Variants in ZNF335 observed in about 807,000 individuals in gnomAD.
ZNF335 encodes NRC-interacting factor 1.
ZNF335 carries 84 observed loss-of-function variants against 145.6 expected under a neutral mutation model. The observed-to-expected ratio is 0.58, with a 90% CI of 0.48 to 0.69. The LOEUF is 0.69. ZNF335 is among the 30% of genes least tolerant of loss of function. The pLI is 0.00. For missense variants in ZNF335, 1,865 were observed against 1,809.7 expected (o/e 1.03, Z -0.55); for synonymous variants, 761 against 717.0 (o/e 1.06, Z -0.98).
rs1333610862 is a variant in ZNF335, at chr20:45,967,980, G to A, written c.568C>T (p.Leu190=). Residue 190 remains leucine (L), a synonymous_variant, in exon 5 of 28, where the codon CTA becomes TTA. Coordinates refer to ENST00000322927, the MANE Select transcript of ZNF335 (RefSeq NM_022095.4). ...TCTGCCAGGGCCTCAATGGCTGCTA[G>A]GCTGTGGGCCAAGGTGGAACTGGAC... ...PMSSSTLAHS[L]AAIEALADGP... 3 of 1,612,686 alleles carry A rather than the reference G, an allele frequency of 1.9e-6. No homozygotes were observed. The highest frequency in any genetic ancestry group is 1.3e-5 in the African/African-American group (1 of 74,932).
chr20:45,950,179 C>A, intron 22 of ZNF335, 40 bp downstream of exon 22: 2 of 1,571,056 alleles, frequency 1.3e-6, no homozygotes, highest in Non-Finnish European at 1.7e-6. Flanking sequence ...GTCTCTGGAT[C>A]TACCCTGTTG....
At position 45,969,647 on chromosome 20, in the gene ZNF335, A is replaced by G. The variant is rs747460492; in HGVS notation, c.246T>C (p.Asn82=). ...ESSSSADPLP[N]SYLPDSSSVS... is the part of the protein sequence containing the mutation. ...CAGACGATGAATCAGGGAGGTAGCT[A>G]TTAGGCAGGGGGTCTGCGCTCGAGC... Residue 82 remains asparagine, a synonymous_variant, in exon 3 of 28, where the codon AAT becomes AAC. Transcript: ENST00000322927. The G allele has an allele frequency of 4.3e-6, 7 of 1,612,132 alleles. No homozygotes were observed. Among genetic ancestry groups the G allele is most frequent in the Middle Eastern group, 1.6e-4 (1 of 6,076 alleles).
Position 45,949,510 on chromosome 20 carries a change from A to C in ZNF335, c.3728T>G (p.Val1243Gly). 1 of 1,613,718 alleles carries C rather than the reference A, an allele frequency of 6.2e-7. No individual in the cohort carries two copies. Among genetic ancestry groups the C allele is most frequent in the South Asian group, 1.1e-5 (1 of 91,064 alleles). The part of the protein sequence containing the change: ...VQHLLPQEYV[V>G]VPEGHHIQVQ... Reference sequence around the variant, plus strand: ...CTGGATGTGATGGCCTTCAGGGACCACAACATATTCCTGGGGGAGCAGGTG... The same window carrying C: ...CTGGATGTGATGGCCTTCAGGGACCCCAACATATTCCTGGGGGAGCAGGTG... Residue 1243 changes from valine to glycine, a missense_variant, in exon 25 of 28, where the codon GTG becomes GGG. Val to Gly is a moderately radical substitution (Grantham distance 109). Coordinates refer to ENST00000322927, the MANE Select transcript of ZNF335 (RefSeq NM_022095.4).
intron 20 of ZNF335, 70 bp downstream of exon 20, chr20:45,952,077 T>G: frequency 6.6e-7 from 1 of 1,520,126 alleles, no homozygotes. Flanking sequence ...AGGGCACTCA[T>G]TAAAGGTTTG....
In ZNF335 at chr20:45,950,076, A is replaced by G; in HGVS notation, c.3488-7T>C. ...TGACTGGACTGGAGTGCAGCTGGGCAGAGAGGAGAGGATGCTCACCTGGGG... is the reference window on the plus strand; with the variant it reads ...TGACTGGACTGGAGTGCAGCTGGGCGGAGAGGAGAGGATGCTCACCTGGGG... On this transcript the variant is annotated splice_region_variant and splice_polypyrimidine_tract_variant and intron_variant, in intron 22 of 27. Transcript: ENST00000322927. 6.2e-7 allele frequency: 1 copy of G among 1,613,212 alleles called. No individual in the cohort carries two copies. Among genetic ancestry groups the G allele is most frequent in the South Asian group, 1.1e-5 (1 of 90,948 alleles).
intron 2 of ZNF335, among the ~76,000 whole-genome samples, chr20:45,970,648 A>G (rs117479286): frequency 6.6e-6 from 1 of 151,548 alleles, no homozygotes; most frequent in African/African-American, 2.4e-5. Flanking sequence ...ACAATCAAGC[A>G]CCCTTGAAAG....
intron 17 of ZNF335, 103 bp downstream of exon 17, chr20:45,957,483 G>A: frequency 2.7e-6 from 3 of 1,115,410 alleles, no homozygotes; most frequent in East Asian, 2.5e-5. Context: ...GCTCCCAAGG[G>A]CGGAGAAGCT....
chr20:45,952,706 C>T lies in ZNF335; in HGVS notation c.2706G>A (p.Glu902=). Reference sequence around the variant, plus strand: ...CCTGGGCTGCCTCTCCTGCGGGCTCCTCGCTGTGGGCATGGAGAAGGTTCT... The same window carrying T: ...CCTGGGCTGCCTCTCCTGCGGGCTCTTCGCTGTGGGCATGGAGAAGGTTCT... The part of the protein sequence containing the change: ...GTSAPGTPYS[E]EPAGEAAQAV... Residue 902 remains glutamate (E), a synonymous_variant, in exon 19 of 28, where the codon GAG becomes GAA. Coordinates refer to ENST00000322927, the MANE Select transcript of ZNF335 (RefSeq NM_022095.4). 6.2e-7 allele frequency: 1 copy of T among 1,613,562 alleles called. No homozygotes were observed. Among genetic ancestry groups the T allele is most frequent in the Non-Finnish European group, 8.5e-7 (1 of 1,179,932 alleles).
chr20:45,961,462 C>T (rs946089272), intron 10 of ZNF335: 2 of 148,508 alleles, frequency 1.3e-5, no homozygotes, highest in African/African-American at 5.0e-5. Context: ...GGTGAACCTA[C>T]ACTAATCTTA....
At chr20:45,970,469 A>T (rs1419200182) in intron 2 of ZNF335, among the ~76,000 whole-genome samples, 1 of 152,240 alleles carries the variant, frequency 6.6e-6, no homozygotes, top group Non-Finnish European at 1.5e-5. Context: ...AATTCATTTC[A>T]TCCTCACAAA....
At chr20:45,972,090 G>T (rs763341444) in intron 1 of ZNF335, 32 bp downstream of exon 1, 75 of 1,288,564 alleles carry the variant, frequency 5.8e-5, no homozygotes, top group Admixed American at 5.3e-4. Flanking sequence ...GGCAGGGTAC[G>T]GTGGGGCCGC....
At position 45,954,060 on chromosome 20, in the gene ZNF335, C is replaced by T. The variant is rs2083682848; in HGVS notation, c.2443-112G>A. The T allele has an allele frequency of 7.0e-6, 9 of 1,292,918 alleles. No homozygotes were observed. In the South Asian group the frequency reaches 7.5e-5, roughly 11 times the overall value. The allele number at this position is 1,292,918 out of a possible 1,614,324, so 80.1% of individuals were successfully genotyped here. Reference sequence around the variant, plus strand: ...ATGCACCCACACACTCTAGTCAGACCAGTGCTGCCACCACTCATTTGAATA... The same window carrying T: ...ATGCACCCACACACTCTAGTCAGACTAGTGCTGCCACCACTCATTTGAATA... On this transcript the variant is annotated intron_variant, in intron 17 of 27. Coordinates refer to ENST00000322927, the MANE Select transcript of ZNF335 (RefSeq NM_022095.4).
At chr20:45,962,387 G>A (rs971673933) in intron 9 of ZNF335, among the ~76,000 whole-genome samples, 10 of 152,254 alleles carry the variant, frequency 6.6e-5, no homozygotes, top group Non-Finnish European at 1.5e-5. Flanking sequence ...TCTGTGCCAG[G>A]CTCTGTGCTG....
intron 1 of ZNF335, 26 bp from the exon 2 acceptor site, chr20:45,971,486 G>A (rs772174394): frequency 1.3e-6 from 2 of 1,561,172 alleles, no homozygotes; most frequent in Admixed American, 3.6e-5. Flanking sequence ...ACCGTGGCTG[G>A]AACAAGTGGG....
chr20:45,948,779 G>A lies in ZNF335; in HGVS notation c.*174C>T, dbSNP rs2083571716. 1.0e-6 allele frequency: 1 copy of A among 1,001,960 alleles called. No individual in the cohort carries two copies. Among genetic ancestry groups the A allele is most frequent in the Admixed American group, 2.4e-5 (1 of 41,918 alleles). The allele number at this position is 1,001,960 out of a possible 1,614,324, so 62.1% of individuals were successfully genotyped here. On this transcript the variant is annotated 3_prime_UTR_variant, in exon 28 of 28. Coordinates refer to ENST00000322927, the MANE Select transcript of ZNF335 (RefSeq NM_022095.4). ...CTGGGGCACCCAGCATGTCCTGGCT[G>A]GGGCCCATGGCTGCCCCTAACCCCA...
chr20:45,956,237 T>C (rs1018685120), intron 17 of ZNF335, among the ~76,000 whole-genome samples: 15 of 146,800 alleles, frequency 1.0e-4, no homozygotes, highest in African/African-American at 2.7e-4. Context: ...CTTTTTTTCT[T>C]TTTTTTTTTT....
At position 45,969,704 on chromosome 20, in the gene ZNF335, A is replaced by G; in HGVS notation, c.202-13T>C. On this transcript the variant is annotated splice_polypyrimidine_tract_variant and intron_variant, in intron 2 of 27. Coordinates refer to ENST00000322927, the MANE Select transcript of ZNF335 (RefSeq NM_022095.4). ...CAGATACCTCCTCCTGAGGGGCATG[A>G]AACAGGGAGGGAAAAAGTTTAGCAG... The G allele has an allele frequency of 6.2e-7, 1 of 1,609,148 alleles. No individual in the cohort carries two copies. Among genetic ancestry groups the G allele is most frequent in the South Asian group, 1.1e-5 (1 of 90,954 alleles).
rs1254980754 is a variant in ZNF335 at position 45,963,186 on chromosome 20, A to C, written c.1533+287T>G. On this transcript the variant is annotated intron_variant, in intron 9 of 27. Transcript: ENST00000322927. ...CTTTCTAACACATGGAATCAGATGAAAACAGTTTTATGGCGTCTGTGGTGG... is the reference window on the plus strand; with the variant it reads ...CTTTCTAACACATGGAATCAGATGACAACAGTTTTATGGCGTCTGTGGTGG... Among the ~76,000 whole-genome samples, 3 of 152,120 alleles carry C rather than the reference A, an allele frequency of 2.0e-5. No homozygotes were observed. In the South Asian group the frequency reaches 6.2e-4, roughly 32 times the overall value.
At chr20:45,965,025 T>C (rs912304654) in intron 7 of ZNF335, among the ~76,000 whole-genome samples, 1 of 127,360 alleles carries the variant, frequency 7.9e-6, no homozygotes, top group East Asian at 2.2e-4. Flanking sequence ...TGAAACTCTG[T>C]CTCAAAATAA....
Sources: allele counts gnomAD v4.1 joint callset (sites outside exome capture counted in the v4.1 genomes callset), GRCh38; gene constraint gnomAD v4.1.1; transcripts MANE v1.5; gene names NCBI Gene and HGNC (gene_info 2026-07-23, HGNC 2026-07-21).